The following FGD5 variants were observed in gnomAD, a reference collection of about 807,000 sequenced individuals.
FGD5 encodes FYVE, RhoGEF and PH domain-containing protein 5.
In FGD5, 28 loss-of-function variants were observed where a neutral mutation model predicts 133.4. The observed-to-expected ratio is 0.21, with a 90% CI of 0.16 to 0.29. FGD5 has a LOEUF of 0.29. FGD5 is among the 10% of genes least tolerant of loss of function. The pLI is 1.00. For synonymous variants in FGD5, 810 were observed against 776.5 expected (o/e 1.04, Z -0.72); for missense variants, 1,858 against 1,895.2 (o/e 0.98, Z 0.36).
At chr3:14,892,680 G>A (rs529600169) in intron 4 of FGD5, among the ~76,000 whole-genome samples, 5 of 152,238 alleles carry the variant, frequency 3.3e-5, no homozygotes, top group African/African-American at 9.6e-5. Context: ...TTAGCCAGGC[G>A]TGGCAGCAGG....
chr3:14,819,841 A>T lies in FGD5; in HGVS notation c.770A>T (p.Glu257Val). The T allele has an allele frequency of 6.2e-7, 1 of 1,609,092 alleles. No individual in the cohort carries two copies. Among genetic ancestry groups the T allele is most frequent in the Non-Finnish European group, 8.5e-7 (1 of 1,177,736 alleles). The change falls in exon 1 of 20, where the codon GAG (glutamate) becomes GTG (valine). Residue 257 changes from glutamate to valine, a missense_variant. By Grantham distance (121) the Glu-to-Val change is moderately radical. Coordinates refer to ENST00000285046, the MANE Select transcript of FGD5 (RefSeq NM_152536.4). The surrounding 1 kb of genome is among the most constrained non-coding windows in gnomAD (Gnocchi z 4.1). ...ACCAGTGAGGAGCCCCCTGAGAAGG[A>T]GGAGCTGGCCGGGGTCCAGGAGGCA... ...EDTSEEPPEK[E>V]ELAGVQEAET...
intron 9 of FGD5, 24 bp from the exon 10 acceptor site, chr3:14,907,616 C>T (rs373888318): frequency 2.5e-6 from 4 of 1,610,946 alleles, no homozygotes; most frequent in Non-Finnish European, 3.4e-6. Context: ...GACCATCTCT[C>T]CCTCACCCCA....
At chr3:14,843,273 C>G (rs1272687743) in intron 1 of FGD5, among the ~76,000 whole-genome samples, 1 of 152,148 alleles carries the variant, frequency 6.6e-6, no homozygotes, top group Non-Finnish European at 1.5e-5. Context: ...GCACTGTGAT[C>G]CACAGCATGA....
At chr3:14,836,529 G>A (rs2036820327) in intron 1 of FGD5, among the ~76,000 whole-genome samples, 1 of 152,232 alleles carries the variant, frequency 6.6e-6, no homozygotes, top group African/African-American at 2.4e-5. Flanking sequence ...GAGAGTTCAT[G>A]CTTTGCCAGC....
intron 4 of FGD5, among the ~76,000 whole-genome samples, chr3:14,891,283 G>A (rs750347415): frequency 1.7e-4 from 26 of 152,166 alleles, no homozygotes; most frequent in Non-Finnish European, 3.2e-4. Flanking sequence ...AGCTGTGGCA[G>A]AAGTCAGAAT....
At chr3:14,833,969 C>A (rs2125079492) in intron 1 of FGD5, among the ~76,000 whole-genome samples, 1 of 152,256 alleles carries the variant, frequency 6.6e-6, no homozygotes, top group South Asian at 2.1e-4. Flanking sequence ...TTGGGGTTCC[C>A]TCCCATGCTT....
chr3:14,914,912 T>C (rs558457811), intron 11 of FGD5, among the ~76,000 whole-genome samples: 2 of 152,362 alleles, frequency 1.3e-5, no homozygotes, highest in East Asian at 1.9e-4. Context: ...GTCAATGCAC[T>C]GTAGTGCCTG....
chr3:14,847,301 A>C (rs1314243658), intron 1 of FGD5, among the ~76,000 whole-genome samples: 1 of 152,172 alleles, frequency 6.6e-6, no homozygotes, highest in East Asian at 1.9e-4. Context: ...GCAGGGTTTT[A>C]GTCTCCATTT....
intron 13 of FGD5, among the ~76,000 whole-genome samples, chr3:14,919,280 T>C (rs368061521): frequency 7.2e-5 from 11 of 152,358 alleles, no homozygotes; most frequent in African/African-American, 2.2e-4. Context: ...TCATCACTTA[T>C]GTTGCCCTGT....
intron 4 of FGD5, among the ~76,000 whole-genome samples, chr3:14,883,518 G>C (rs1315718566): frequency 6.6e-6 from 1 of 152,176 alleles, no homozygotes; most frequent in East Asian, 1.9e-4. Context: ...CTACTCAGAT[G>C]TCTACCCACC....
chr3:14,873,915 T>C (rs2125112181), intron 2 of FGD5, among the ~76,000 whole-genome samples: 1 of 151,898 alleles, frequency 6.6e-6, no homozygotes, highest in East Asian at 2.0e-4. Context: ...AGAGATGGGG[T>C]TTCACCATAT....
intron 4 of FGD5, among the ~76,000 whole-genome samples, chr3:14,881,253 G>T (rs963165493): frequency 6.6e-5 from 10 of 152,042 alleles, no homozygotes; most frequent in African/African-American, 2.4e-4. Context: ...GGTGGTGAGG[G>T]GCTCCTTTGG....
At chr3:14,813,285 T>C (rs13093598) in intron 1 of FGD5, among the ~76,000 whole-genome samples, 3 of 151,910 alleles carry the variant, frequency 2.0e-5, no homozygotes, top group Non-Finnish European at 4.4e-5. Context: ...ATAGCAGAGA[T>C]GGGATGGGAG....
At chr3:14,811,878 A>C (rs1183520669) in intron 1 of FGD5, among the ~76,000 whole-genome samples, 1 of 152,132 alleles carries the variant, frequency 6.6e-6, no homozygotes. Flanking sequence ...TTTTTCTCAC[A>C]GAATTTAGTA....
chr3:14,859,525 A>G (rs1172396902), intron 1 of FGD5, among the ~76,000 whole-genome samples: 3 of 152,074 alleles, frequency 2.0e-5, no homozygotes, highest in African/African-American at 4.8e-5. Flanking sequence ...ATCACACTGC[A>G]CTCCAGCCTG....
At chr3:14,920,998 G>C (rs1483886313) in intron 13 of FGD5, among the ~76,000 whole-genome samples, 1 of 152,246 alleles carries the variant, frequency 6.6e-6, no homozygotes, top group Non-Finnish European at 1.5e-5. Flanking sequence ...AAGGGCAGGA[G>C]GCTGCCAGCA....
chr3:14,883,557 A>G (rs373453224), intron 4 of FGD5, among the ~76,000 whole-genome samples: 2 of 152,152 alleles, frequency 1.3e-5, no homozygotes, highest in Admixed American at 6.5e-5. Context: ...TTCCTCATCT[A>G]CCCATCCAAA....
At chr3:14,896,596 G>A (rs1003520074) in intron 4 of FGD5, among the ~76,000 whole-genome samples, 2 of 151,850 alleles carry the variant, frequency 1.3e-5, no homozygotes, top group Admixed American at 6.6e-5. Context: ...TCAGCCTCCC[G>A]AGTAGCTGGG....
Position 14,819,050 on chromosome 3 carries a change from G to T in FGD5, c.-22G>T. ...AATTCCCTTCCTCAGCCAGGCCCGA[G>T]AGTCTTCACAGTCCAAACTCCATGT... On this transcript the variant is annotated 5_prime_UTR_variant, in exon 1 of 20. Coordinates refer to ENST00000285046, the MANE Select transcript of FGD5 (RefSeq NM_152536.4). This position sits in a 1 kb window ranked among gnomAD's most constrained non-coding sequence, Gnocchi z 4.1. 1 of 1,526,858 alleles carries T rather than the reference G, an allele frequency of 6.5e-7. No homozygotes were observed. Among genetic ancestry groups the T allele is most frequent in the South Asian group, 1.2e-5 (1 of 80,768 alleles). The allele number at this position is 1,526,858 out of a possible 1,614,324, so 94.6% of individuals were successfully genotyped here.
Sources: gnomAD v4.1 joint callset for allele counts (sites outside exome capture counted in the v4.1 genomes callset) on GRCh38, gnomAD v4.1.1 for gene constraint, Gnocchi (gnomAD v3.1) non-coding constraint, MANE v1.5 for transcripts, NCBI Gene and HGNC (gene_info 2026-07-23, HGNC 2026-07-21) for gene names.